Variants in PTPRN2 observed in about 807,000 individuals in gnomAD.
PTPRN2 encodes receptor-type tyrosine-protein phosphatase N2.
A neutral mutation model predicts 118.8 loss-of-function variants in PTPRN2; 74 were observed. That is an observed-to-expected ratio of 0.62 (90% CI 0.52 to 0.76). The LOEUF is 0.76. PTPRN2 is among the 30% of genes least tolerant of loss of function. The pLI is 0.00. For missense variants in PTPRN2, 1,481 were observed against 1,394.4 expected (o/e 1.06, Z -0.99); for synonymous variants, 641 against 608.0 (o/e 1.05, Z -0.80).
chr7:158,315,958 G>A lies in PTPRN2; in HGVS notation c.277+861C>T, dbSNP rs530062665. 1.2e-4 allele frequency among the ~76,000 whole-genome samples: 19 copies of A among 152,270 alleles called. No individual in the cohort carries two copies. The South Asian group carries it at 1.7e-3, about 13-fold the overall frequency. ...CCATGGGCCCATGAACAAGGTGGTC[G>A]CGGTGGCAGAGTTGGAGGTGATGCC... is the stretch of plus-strand genomic sequence containing the variant. On this transcript the variant is annotated intron_variant, in intron 3 of 22. Coordinates refer to ENST00000389418, the MANE Select transcript of PTPRN2 (RefSeq NM_002847.5).
rs1823127429 is a variant in PTPRN2 at position 158,167,351 on chromosome 7, C to G, written c.550-60G>C. On this transcript the variant is annotated intron_variant, in intron 5 of 22. Transcript: ENST00000389418. Reference sequence around the variant, plus strand: ...ACATTTCCATCGTCAGCTGGGGGCACCAAGATGCCCTTCAGTCTCAGTTTT... The same window carrying G: ...ACATTTCCATCGTCAGCTGGGGGCAGCAAGATGCCCTTCAGTCTCAGTTTT... The G allele has an allele frequency of 5.3e-6, 8 of 1,520,920 alleles. No homozygotes were observed. The South Asian group carries it at 9.0e-5, about 17-fold the overall frequency. 94.2% of individuals were successfully genotyped at this position (1,520,920 alleles called of 1,614,324 possible). A position where few individuals can be genotyped will look rare whatever the true frequency, so the allele number is the denominator to read the frequency against.
chr7:158,183,715 G>A (rs1475865214), intron 5 of PTPRN2, among the ~76,000 whole-genome samples: 2 of 152,194 alleles, frequency 1.3e-5, no homozygotes, highest in Admixed American at 6.5e-5. Context: ...TCCAGTGGGG[G>A]TGCATATCTT....
chr7:158,058,729 C>T lies in PTPRN2; in HGVS notation c.1723+22569G>A, dbSNP rs1212383168. On this transcript the variant is annotated intron_variant, in intron 11 of 22. Coordinates refer to ENST00000389418, the MANE Select transcript of PTPRN2 (RefSeq NM_002847.5). ...ACTGCAGCCACGCTCCATCTGCCCA[C>T]GGTGAGACATCACTACAGCCACACT... 5.1e-5 allele frequency among the ~76,000 whole-genome samples: 5 copies of T among 98,420 alleles called. No individual in the cohort carries two copies. The East Asian group carries it at 1.0e-3, about 20-fold the overall frequency. The allele number at this position is 98,420 out of a possible 152,430, so 64.6% of individuals were successfully genotyped here.
chr7:157,929,537 T>A lies in PTPRN2; in HGVS notation c.1724-30800A>T, dbSNP rs758930647. ...CAGCCCAACAGAGGCTGGTCATAGT[T>A]TTTGCCCTGGAATTCCCCTCCTTTT... On this transcript the variant is annotated intron_variant, in intron 11 of 22. Transcript: ENST00000389418. This position sits in a 1 kb window ranked among gnomAD's most constrained non-coding sequence, Gnocchi z 4.4. Among the ~76,000 whole-genome samples the A allele has an allele frequency of 3.9e-4, 59 of 152,014 alleles. No individual in the cohort carries two copies. Among genetic ancestry groups the A allele is most frequent in the Admixed American group, 6.5e-4 (10 of 15,278 alleles).
chr7:158,158,328 C>T (rs1049872714), intron 6 of PTPRN2, among the ~76,000 whole-genome samples: 5 of 152,262 alleles, frequency 3.3e-5, no homozygotes, highest in Admixed American at 6.5e-5. Flanking sequence ...GCGGGGAACA[C>T]GCCCTTCTCT....
At chr7:157,741,352 T>C (rs1299642760) in intron 12 of PTPRN2, among the ~76,000 whole-genome samples, 1 of 152,208 alleles carries the variant, frequency 6.6e-6, no homozygotes, top group African/African-American at 2.4e-5. Flanking sequence ...AGACTGAGAA[T>C]TGGTGAAGGA....
At chr7:158,336,681 G>T (rs1419942584) in intron 2 of PTPRN2, among the ~76,000 whole-genome samples, 6 of 118,678 alleles carry the variant, frequency 5.1e-5, no homozygotes, top group East Asian at 2.6e-4. Flanking sequence ...CACCATAAGA[G>T]CTGACGCCCG....
chr7:158,002,263 G>A (rs1048749949), intron 11 of PTPRN2, among the ~76,000 whole-genome samples: 6 of 152,238 alleles, frequency 3.9e-5, no homozygotes, highest in Non-Finnish European at 7.3e-5. Flanking sequence ...GCTGTGCTCT[G>A]GATGGTCACT....
chr7:157,993,497 G>A (rs1205353611), intron 11 of PTPRN2, among the ~76,000 whole-genome samples: 6 of 152,096 alleles, frequency 3.9e-5, no homozygotes. Context: ...CCACAGAAGA[G>A]AAAGAGCAGT....
At chr7:158,080,554 A>G (rs1812739000) in intron 11 of PTPRN2, among the ~76,000 whole-genome samples, 1 of 147,726 alleles carries the variant, frequency 6.8e-6, no homozygotes, top group Admixed American at 6.9e-5. Context: ...TAAACAATAC[A>G]CTCTACAAGA....
intron 1 of PTPRN2, among the ~76,000 whole-genome samples, chr7:158,496,443 C>A (rs1158985021): frequency 2.2e-5 from 1 of 44,830 alleles, no homozygotes; most frequent in Non-Finnish European, 4.5e-5. Flanking sequence ...TTCCCTGCGC[C>A]CCCTCCACCT....
chr7:157,630,619 G>C (rs1803884693), intron 14 of PTPRN2, among the ~76,000 whole-genome samples: 2 of 152,208 alleles, frequency 1.3e-5, no homozygotes, highest in Admixed American at 1.3e-4. Flanking sequence ...ATGCAGGGCA[G>C]ATATGCACAC....
At chr7:158,138,046 G>A (rs1376527390) in intron 7 of PTPRN2, among the ~76,000 whole-genome samples, 1 of 152,208 alleles carries the variant, frequency 6.6e-6, no homozygotes, top group Non-Finnish European at 1.5e-5. Context: ...CTCAGCCTCA[G>A]CATGGAGGAG....
At chr7:157,795,802 C>A (rs752572507) in intron 12 of PTPRN2, among the ~76,000 whole-genome samples, 12 of 152,214 alleles carry the variant, frequency 7.9e-5, no homozygotes, top group African/African-American at 1.4e-4. Flanking sequence ...ACCTGGTGTA[C>A]CTTCTGTGAG....
rs183127952 is a variant in PTPRN2 at position 158,024,787 on chromosome 7, T to C, written c.1723+56511A>G. Among the ~76,000 whole-genome samples the C allele has an allele frequency of 1.3e-3, 200 of 152,380 alleles. 1 individual carries two copies. Among genetic ancestry groups the C allele is most frequent in the Admixed American group, 2.3e-3 (35 of 15,310 alleles). On this transcript the variant is annotated intron_variant, in intron 11 of 22. Coordinates refer to ENST00000389418, the MANE Select transcript of PTPRN2 (RefSeq NM_002847.5). ...CCAGGGAGGATAAGGCATGAGCAAC[T>C]TCAGTTGTGCTCTCAACATTGACCT...
intron 1 of PTPRN2, among the ~76,000 whole-genome samples, chr7:158,495,835 C>T (rs143784648): frequency 1.7e-3 from 265 of 152,234 alleles, no homozygotes; most frequent in African/African-American, 4.5e-3. Context: ...GGCAGCCCTG[C>T]GGTCAGGGCA....
chr7:158,137,078 G>A lies in PTPRN2; in HGVS notation c.1133-383C>T, dbSNP rs548406803. Among the ~76,000 whole-genome samples the A allele has an allele frequency of 3.3e-5, 5 of 152,286 alleles. No individual in the cohort carries two copies. The South Asian group carries it at 1.0e-3, about 32-fold the overall frequency. Reference sequence around the variant, plus strand: ...CCACCTCACAATTAAGATGGCTTCAGAATCCACTGACTTAGGTTATTTCAC... The same window carrying A: ...CCACCTCACAATTAAGATGGCTTCAAAATCCACTGACTTAGGTTATTTCAC... On this transcript the variant is annotated intron_variant, in intron 7 of 22. Coordinates refer to ENST00000389418, the MANE Select transcript of PTPRN2 (RefSeq NM_002847.5).
intron 3 of PTPRN2, among the ~76,000 whole-genome samples, chr7:158,210,696 C>T (rs924450651): frequency 6.6e-6 from 1 of 152,016 alleles, no homozygotes; most frequent in Non-Finnish European, 1.5e-5. Context: ...CAACTACATG[C>T]CAGTAAATTA....
At chr7:158,583,248 A>G (rs1828726922) in intron 1 of PTPRN2, among the ~76,000 whole-genome samples, 1 of 152,216 alleles carries the variant, frequency 6.6e-6, no homozygotes, top group Non-Finnish European at 1.5e-5. Flanking sequence ...AGTTCATCAG[A>G]AGATGGGGCC....
Sources: gnomAD v4.1 joint callset for allele counts (sites outside exome capture counted in the v4.1 genomes callset) on GRCh38, gnomAD v4.1.1 for gene constraint, Gnocchi (gnomAD v3.1) non-coding constraint, MANE v1.5 for transcripts, NCBI Gene and HGNC (gene_info 2026-07-23, HGNC 2026-07-21) for gene names.